The following ARL13B variants were observed in gnomAD, a reference collection of about 807,000 sequenced individuals.
ARL13B encodes ADP-ribosylation factor-like protein 13B.
A neutral mutation model predicts 56.1 loss-of-function variants in ARL13B; 36 were observed. The observed-to-expected ratio is 0.64, with a 90% CI of 0.49 to 0.85. The LOEUF (loss-of-function observed/expected upper bound fraction) is 0.85, where lower values mean the gene tolerates loss of function less well. Ranked by LOEUF, ARL13B falls within the 40% of genes least tolerant of loss-of-function variation. The pLI is 0.00. For synonymous variants in ARL13B, 178 were observed against 171.1 expected (o/e 1.04, Z -0.32); for missense variants, 519 against 507.1 (o/e 1.02, Z -0.23).
chr3:94,049,980 G>A (rs868849123), intron 8 of ARL13B, among the ~76,000 whole-genome samples: 6 of 144,920 alleles, frequency 4.1e-5, no homozygotes, highest in East Asian at 4.1e-4. Flanking sequence ...GTGAAACCCC[G>A]TCTCTACTAA....
At chr3:94,029,749 A>G (rs1008203737) in intron 3 of ARL13B, among the ~76,000 whole-genome samples, 6 of 152,278 alleles carry the variant, frequency 3.9e-5, no homozygotes, top group Middle Eastern at 3.4e-3. Context: ...ACTCTTTGTA[A>G]AAACAAAACA....
rs35756044 is a variant in ARL13B, at chr3:93,980,726, A to AGT, written c.59+278_59+279dup. Reference sequence around the variant, plus strand: ...TTAAATAGGTTTGAATTTGTTAAAAAGTGTGTGTGTGTGTGTGTGTGTGTG... The same window carrying AGT: ...TTAAATAGGTTTGAATTTGTTAAAAAGTGTGTGTGTGTGTGTGTGTGTGTGTG... On this transcript the variant is annotated intron_variant, in intron 1 of 9. Transcript: ENST00000394222. Among the ~76,000 whole-genome samples the AGT allele has an allele frequency of 0.12, 17,702 of 146,952 alleles. 1,041 individuals are homozygous for AGT. The highest frequency in any genetic ancestry group is 0.13 in the Non-Finnish European group (8,642 of 66,208).
rs562000030 is a variant in ARL13B at position 94,002,282 on chromosome 3, G to C, written c.131-1377G>C. 2.6e-5 allele frequency among the ~76,000 whole-genome samples: 4 copies of C among 152,068 alleles called. No individual in the cohort carries two copies. In the East Asian group the frequency reaches 7.7e-4, roughly 29 times the overall value. ...TAAACTCTAGATGTTACCCAGACTA[G>C]TCTCAAATTCCTGGCCTCAGGTGAT... is the stretch of plus-strand genomic sequence containing the variant. On this transcript the variant is annotated intron_variant, in intron 2 of 9. Transcript: ENST00000394222.
chr3:94,014,316 A>AC lies in ARL13B; in HGVS notation c.380+10409dup. Reference sequence around the variant, plus strand: ...GAGTGGATCCATGAGATGGAGAAAAACAATACAAGACACTGAAATATAAGC... The same window carrying AC: ...GAGTGGATCCATGAGATGGAGAAAAACCAATACAAGACACTGAAATATAAGC... On this transcript the variant is annotated intron_variant, in intron 3 of 9. Transcript: ENST00000394222. 2.3e-6 allele frequency: 3 copies of AC among 1,312,728 alleles called. No homozygotes were observed. In the South Asian group the frequency reaches 5.2e-5, roughly 23 times the overall value. The allele number at this position is 1,312,728 out of a possible 1,614,324, so 81.3% of individuals were successfully genotyped here. A position where few individuals can be genotyped will look rare whatever the true frequency, so the allele number is the denominator to read the frequency against.
intron 7 of ARL13B, 74 bp downstream of exon 7, chr3:94,043,314 A>G: frequency 7.4e-7 from 1 of 1,346,506 alleles, no homozygotes; most frequent in South Asian, 1.4e-5. Context: ...CTCATTTTTT[A>G]TGTTTGTTTT....
At chr3:93,980,588 C>A (rs1710164532) in intron 1 of ARL13B, 106 bp downstream of exon 1, 1 of 1,371,716 alleles carries the variant, frequency 7.3e-7, no homozygotes, top group Non-Finnish European at 1.0e-6. Flanking sequence ...TATCCCAGGC[C>A]GCAAGGGATG....
intron 3 of ARL13B, among the ~76,000 whole-genome samples, chr3:94,023,489 CT>C (rs974828107): frequency 6.7e-6 from 1 of 150,188 alleles, no homozygotes. Context: ...TACGGTCTTG[CT>C]TTTTTTTTAA....
intron 3 of ARL13B, among the ~76,000 whole-genome samples, chr3:94,006,018 G>C (rs2076127903): frequency 6.6e-6 from 1 of 152,004 alleles, no homozygotes; most frequent in African/African-American, 2.4e-5. Flanking sequence ...ATACAATTTT[G>C]AGCCGGGCAC....
At chr3:94,021,181 A>AC (rs2076439966) in intron 3 of ARL13B, among the ~76,000 whole-genome samples, 2 of 143,658 alleles carry the variant, frequency 1.4e-5, no homozygotes, top group African/African-American at 5.1e-5. Context: ...GTTTAATATT[A>AC]TTATATATAT....
chr3:93,989,229 T>A (rs747775850), intron 1 of ARL13B, among the ~76,000 whole-genome samples: 6 of 152,230 alleles, frequency 3.9e-5, no homozygotes, highest in Non-Finnish European at 8.8e-5. Context: ...ATTATAGTAC[T>A]TTCTCAATCT....
rs2077115444 is a variant in ARL13B, at chr3:94,054,601, A to T, written c.*1338A>T. ...CAGACATGTGCTAGTATCTGATAAC[A>T]TTAAGTACATTTTATGTCGTTTAAT... On this transcript the variant is annotated 3_prime_UTR_variant, in exon 10 of 10. Transcript: ENST00000394222. The T allele has an allele frequency of 2.6e-6, 1 of 385,160 alleles. No homozygotes were observed. Among genetic ancestry groups the T allele is most frequent in the Non-Finnish European group, 5.0e-6 (1 of 198,478 alleles). The allele number at this position is 385,160 out of a possible 1,614,324, so 23.9% of individuals were successfully genotyped here. A position where few individuals can be genotyped will look rare whatever the true frequency, so the allele number is the denominator to read the frequency against.
intron 3 of ARL13B, 101 bp downstream of exon 3, chr3:94,004,009 T>C (rs1387748517): frequency 1.8e-5 from 28 of 1,522,898 alleles, no homozygotes; most frequent in Non-Finnish European, 2.4e-5. Flanking sequence ...ATAGTCACGC[T>C]TTAGTATACT....
chr3:93,999,027 A>T (rs182525126), intron 2 of ARL13B, among the ~76,000 whole-genome samples: 1 of 151,388 alleles, frequency 6.6e-6, no homozygotes, highest in East Asian at 1.9e-4. Context: ...CATTGGCTAA[A>T]TCCAAACCCT....
chr3:94,042,954 C>T (rs932414939), intron 6 of ARL13B, 61 bp from the exon 7 acceptor site: 5 of 1,378,974 alleles, frequency 3.6e-6, no homozygotes, highest in Non-Finnish European at 5.0e-6. Context: ...ATTTCCTCTC[C>T]CTTAAAACTA....
chr3:94,029,561 G>T (rs1395034085), intron 3 of ARL13B, among the ~76,000 whole-genome samples: 1 of 151,198 alleles, frequency 6.6e-6, no homozygotes. Flanking sequence ...GGCTGGTCTC[G>T]AACTCCTGAC....
chr3:94,043,279 T>A, intron 7 of ARL13B, 39 bp downstream of exon 7: 1 of 1,515,850 alleles, frequency 6.6e-7, no homozygotes, highest in Non-Finnish European at 9.0e-7. Context: ...ATCTTATGTA[T>A]ATATAAATAA....
intron 1 of ARL13B, among the ~76,000 whole-genome samples, chr3:93,993,937 C>T (rs2075920945): frequency 6.6e-6 from 1 of 152,118 alleles, no homozygotes; most frequent in Admixed American, 6.5e-5. Flanking sequence ...GAGAATGGGG[C>T]CCTGGAGTGC....
chr3:94,049,701 T>G (rs1377798810), intron 8 of ARL13B, among the ~76,000 whole-genome samples, 179 bp downstream of exon 8: 1 of 152,120 alleles, frequency 6.6e-6, no homozygotes, highest in East Asian at 1.9e-4. Flanking sequence ...GTCCATTGCT[T>G]TTTTGAATAA....
At position 93,980,502 on chromosome 3, in the gene ARL13B, C is replaced by T. The variant is rs757994933; in HGVS notation, c.59+20C>T. The stretch of plus-strand genomic sequence containing the variant: ...TGTCAGGTAGGCTGGAGCCAGCTGT[C>T]CTGGCCGTCCTAGGGGTTGGAGATG... On this transcript the variant is annotated intron_variant, in intron 1 of 9. Transcript: ENST00000394222. 43 of 1,608,494 alleles carry T rather than the reference C, an allele frequency of 2.7e-5. No homozygotes were observed. In the Admixed American group the frequency reaches 5.8e-4, roughly 22 times the overall value.
Sources: gnomAD v4.1 joint callset for allele counts (sites outside exome capture counted in the v4.1 genomes callset) on GRCh38, gnomAD v4.1.1 for gene constraint, MANE v1.5 for transcripts, NCBI Gene and HGNC (gene_info 2026-07-23, HGNC 2026-07-21) for gene names.